The following NXPE2 variants were observed in gnomAD, a reference collection of about 807,000 sequenced individuals.
NXPE2 encodes the protein NXPE family member 2.
In NXPE2, 34 loss-of-function variants were observed where a neutral mutation model predicts 34.4. That is an observed-to-expected ratio of 0.99 (90% CI 0.75 to 1.31). NXPE2 has a LOEUF of 1.31. Among genes scored for constraint, NXPE2 ranks in the 40% most tolerant of loss-of-function variants. The pLI, the probability that NXPE2 is intolerant of heterozygous loss-of-function variation, is 0.00. For synonymous variants in NXPE2, 235 were observed against 231.3 expected (o/e 1.02, Z -0.15); for missense variants, 649 against 672.5 (o/e 0.97, Z 0.39).
chr11:114,532,162 G>GATT, the NXPE2 span, among the ~76,000 whole-genome samples: 5 of 152,284 alleles, frequency 3.3e-5, no homozygotes, highest in Admixed American at 2.0e-4. Flanking sequence ...AAACCCTTGT[G>GATT]ATTGGTAACA....
the NXPE2 span, among the ~76,000 whole-genome samples, chr11:114,628,978 G>T: frequency 3.9e-5 from 6 of 152,040 alleles, no homozygotes; most frequent in African/African-American, 1.4e-4. Context: ...CAAGGAAGAA[G>T]TTGAATCTCT....
At chr11:114,488,095 C>T in the NXPE2 span, among the ~76,000 whole-genome samples, 1 of 152,084 alleles carries the variant, frequency 6.6e-6, no homozygotes, top group South Asian at 2.1e-4. Context: ...ATTCTTTAAA[C>T]ACTTGGGAGA....
chr11:114,598,476 A>G, the NXPE2 span, among the ~76,000 whole-genome samples: 2 of 152,182 alleles, frequency 1.3e-5, no homozygotes, highest in Non-Finnish European at 2.9e-5. Context: ...GGTTATCTAG[A>G]GGGTTCCACT....
At chr11:114,513,601 T>C in the NXPE2 span, among the ~76,000 whole-genome samples, 1 of 152,230 alleles carries the variant, frequency 6.6e-6, no homozygotes, top group Admixed American at 6.5e-5. Context: ...ATAATTAAAA[T>C]GCTGAAAGTT....
chr11:114,787,068 C>A, the NXPE2 span, among the ~76,000 whole-genome samples: 2 of 152,188 alleles, frequency 1.3e-5, no homozygotes, highest in African/African-American at 4.8e-5. Flanking sequence ...TCCCTGGCCT[C>A]TTCTCCCTGC....
chr11:114,761,358 G>A, the NXPE2 span, among the ~76,000 whole-genome samples: 2 of 152,144 alleles, frequency 1.3e-5, no homozygotes, highest in African/African-American at 4.8e-5. Flanking sequence ...ACCAGAACAA[G>A]AACCTACGAT....
downstream of NXPE2, among the ~76,000 whole-genome samples, chr11:114,708,790 T>G (rs1859549025): frequency 6.6e-6 from 1 of 152,216 alleles, no homozygotes; most frequent in South Asian, 2.1e-4. Flanking sequence ...TAGGAAACTT[T>G]GAAAGTAAAT....
the NXPE2 span, among the ~76,000 whole-genome samples, chr11:114,601,349 T>C: frequency 6.8e-6 from 1 of 147,266 alleles, no homozygotes; most frequent in African/African-American, 2.5e-5. Context: ...TGGTATTTGG[T>C]TTTCATTCCT....
chr11:114,799,844 T>C, the NXPE2 span, among the ~76,000 whole-genome samples: 1 of 151,862 alleles, frequency 6.6e-6, no homozygotes, highest in Admixed American at 6.6e-5. Flanking sequence ...GTGTTAACAG[T>C]TCCCCTCCCT....
At chr11:114,808,819 G>C in the NXPE2 span, among the ~76,000 whole-genome samples, 145,712 of 152,238 alleles carry the variant, frequency 0.96, 70,066 homozygotes, top group Middle Eastern at 1. Flanking sequence ...CAGAAAAAGA[G>C]GGAATCCTGC....
the NXPE2 span, among the ~76,000 whole-genome samples, chr11:114,725,974 A>ATATATATATATATATATAT: frequency 4.3e-4 from 14 of 32,820 alleles, 1 homozygote; most frequent in East Asian, 2.9e-3. Flanking sequence ...TAATAAAAAA[A>ATATATATATATATATATAT]AAATATATAT....
chr11:114,726,461 C>T, the NXPE2 span, among the ~76,000 whole-genome samples: 5 of 152,020 alleles, frequency 3.3e-5, no homozygotes, highest in African/African-American at 1.2e-4. Context: ...ATCTTCCCAC[C>T]TCAGCCTCTG....
chr11:114,601,971 A>G, the NXPE2 span, among the ~76,000 whole-genome samples: 46 of 86,072 alleles, frequency 5.3e-4, no homozygotes, highest in Non-Finnish European at 2.0e-5. Context: ...TATATTATAT[A>G]TTCTGTTATA....
chr11:114,484,480 G>A, the NXPE2 span, among the ~76,000 whole-genome samples: 1 of 152,138 alleles, frequency 6.6e-6, no homozygotes, highest in Non-Finnish European at 1.5e-5. Context: ...TCTCTAGGTA[G>A]CGGGAATGCC....
the NXPE2 span, among the ~76,000 whole-genome samples, chr11:114,795,770 G>A: frequency 6.6e-6 from 1 of 152,184 alleles, no homozygotes; most frequent in African/African-American, 2.4e-5. Context: ...TCAACTTAGG[G>A]TGAAAGACTG....
chr11:114,625,476 A>G, the NXPE2 span, among the ~76,000 whole-genome samples: 1 of 152,118 alleles, frequency 6.6e-6, no homozygotes, highest in Non-Finnish European at 1.5e-5. Flanking sequence ...CACCCGGTGG[A>G]TAATATGTAT....
upstream of NXPE2, among the ~76,000 whole-genome samples, chr11:114,677,845 C>T (rs1289316172): frequency 2.0e-5 from 3 of 151,912 alleles, no homozygotes; most frequent in African/African-American, 7.3e-5. Context: ...GAGTGTGGCC[C>T]GTGTGTTATG....
chr11:114,801,307 A>G, the NXPE2 span, among the ~76,000 whole-genome samples: 1 of 152,246 alleles, frequency 6.6e-6, no homozygotes, highest in Non-Finnish European at 1.5e-5. Context: ...CATTGGAATG[A>G]TGAAAAGAAA....
At chr11:114,587,184 A>T in the NXPE2 span, among the ~76,000 whole-genome samples, 1 of 152,156 alleles carries the variant, frequency 6.6e-6, no homozygotes, top group Non-Finnish European at 1.5e-5. Flanking sequence ...TGTCTTCAAC[A>T]ATGAGGGGAA....
Sources: allele counts gnomAD v4.1 joint callset (sites outside exome capture counted in the v4.1 genomes callset), GRCh38; gene constraint gnomAD v4.1.1; transcripts MANE v1.5; gene names NCBI Gene and HGNC (gene_info 2026-07-23, HGNC 2026-07-21).